Variants in KIF3B observed in about 807,000 individuals in gnomAD.
KIF3B encodes the protein kinesin family member 3B.
Under a neutral mutation model 74.3 loss-of-function variants are expected in KIF3B, and 38 were observed. The ratio of observed to expected loss-of-function variants is 0.51; its 90% CI spans 0.39 to 0.67. The LOEUF is 0.67. Ranked by LOEUF, KIF3B falls within the 30% of genes least tolerant of loss-of-function variation. The pLI is 0.00. For missense variants in KIF3B, 649 were observed against 932.0 expected (o/e 0.70, Z 3.95); for synonymous variants, 326 against 342.5 (o/e 0.95, Z 0.53).
rs2047804257 is a variant in KIF3B, at chr20:32,312,158, C to T, written c.1404+977C>T. Among the ~76,000 whole-genome samples, 3 of 150,328 alleles carry T rather than the reference C, an allele frequency of 2.0e-5. No homozygotes were observed. In the South Asian group the frequency reaches 6.3e-4, roughly 32 times the overall value. On this transcript the variant is annotated intron_variant, in intron 2 of 8. Coordinates refer to ENST00000375712, the MANE Select transcript of KIF3B (RefSeq NM_004798.4). ...GAGACAGGATCTTGCTCTGTCAACC[C>T]TGGAGTGCAGTGGCCCAATCACTGC...
rs2047793856 is a variant in KIF3B at position 32,310,427 on chromosome 20, C to G, written c.650C>G (p.Ala217Gly). The change falls in exon 2 of 9, where the codon GCA (alanine) becomes GGA (glycine). Residue 217 changes from alanine to glycine, a missense_variant. Around this residue, in one of 4 missense-constraint regions of KIF3B, gnomAD observed 363 missense variants for 592.8 expected, o/e 0.61. Coordinates refer to ENST00000375712, the MANE Select transcript of KIF3B (RefSeq NM_004798.4). The surrounding 1 kb of genome is among the most constrained non-coding windows in gnomAD (Gnocchi z 6.5). ...AACGAGCACAGCTCGCGTTCTCATG[C>G]AATTTTCGTTATCACTATTGAGTGC... ...NMNEHSSRSH[A>G]IFVITIECSE... 1.2e-6 allele frequency: 2 copies of G among 1,614,074 alleles called. No homozygotes were observed. Among genetic ancestry groups the G allele is most frequent in the African/African-American group, 2.7e-5 (2 of 74,934 alleles).
intron 5 of KIF3B, among the ~76,000 whole-genome samples, chr20:32,322,692 A>ATATATATT (rs1273367069): frequency 1.4e-5 from 1 of 72,232 alleles, no homozygotes; most frequent in Non-Finnish European, 2.2e-5. Flanking sequence ...ATATATATTT[A>ATATATATT]TATATATTTA....
At chr20:32,331,099 T>G in intron 8 of KIF3B, 124 bp from the exon 9 acceptor site, 1 of 747,480 alleles carries the variant, frequency 1.3e-6, no homozygotes, top group Non-Finnish European at 2.3e-6. Flanking sequence ...TGTAGTGGTT[T>G]TACAGTTGAA....
At chr20:32,300,527 C>T (rs1053770728) in intron 1 of KIF3B, among the ~76,000 whole-genome samples, 4 of 152,192 alleles carry the variant, frequency 2.6e-5, no homozygotes, top group African/African-American at 9.6e-5. Flanking sequence ...GATCTGCCCA[C>T]CTCGGCCTCC....
rs900031635 is a variant in KIF3B at position 32,316,836 on chromosome 20, G to A, written c.1710G>A (p.Glu570=). ...EEHIKERQEL[E]QTQNELTREL... ...ACATCAAGGAGCGCCAAGAGCTAGA[G>A]CAGACTCAGAATGAGCTCACCAGGG... The change falls in exon 5 of 9, where the codon GAG becomes GAA. Residue 570 remains glutamate, a synonymous_variant. Coordinates refer to ENST00000375712, the MANE Select transcript of KIF3B (RefSeq NM_004798.4). 1.9e-6 allele frequency: 3 copies of A among 1,613,962 alleles called. No individual in the cohort carries two copies. Among genetic ancestry groups the A allele is most frequent in the Non-Finnish European group, 2.5e-6 (3 of 1,179,998 alleles).
At position 32,331,291 on chromosome 20, in the gene KIF3B, C is replaced by T; in HGVS notation, c.2216C>T (p.Pro739Leu). The change falls in exon 9 of 9, where the codon CCA becomes CTA. Residue 739 changes from proline (P) to leucine (L), a missense_variant. This residue lies in a region of KIF3B where 186 missense variants were observed against 198.5 expected (regional missense o/e 0.94). Coordinates refer to ENST00000375712, the MANE Select transcript of KIF3B (RefSeq NM_004798.4). ...GGAACCCCTGCATCTCAGCTTTATCCACAGTCTCGGGGGCTGGTTCCAAAG... is the reference window on the plus strand; with the variant it reads ...GGAACCCCTGCATCTCAGCTTTATCTACAGTCTCGGGGGCTGGTTCCAAAG... ...SSGTPASQLYPQSRGLVPK is the reference protein window; with the variant it reads ...SSGTPASQLYLQSRGLVPK The T allele has an allele frequency of 1.9e-6, 3 of 1,613,362 alleles. No homozygotes were observed. The highest frequency in any genetic ancestry group is 2.5e-6 in the Non-Finnish European group (3 of 1,179,764).
intron 5 of KIF3B, among the ~76,000 whole-genome samples, chr20:32,317,896 C>A (rs1450405420): frequency 6.6e-6 from 1 of 152,174 alleles, no homozygotes; most frequent in Admixed American, 6.5e-5. Context: ...CTGTTTCAGC[C>A]TCCCAAAGTG....
intron 1 of KIF3B, among the ~76,000 whole-genome samples, chr20:32,302,567 A>T (rs2047749417): frequency 6.6e-6 from 1 of 152,148 alleles, no homozygotes; most frequent in South Asian, 2.1e-4. Flanking sequence ...TAAAAGTCGG[A>T]CAGCTCCGCC....
At chr20:32,297,747 T>C (rs1162567070) in intron 1 of KIF3B, among the ~76,000 whole-genome samples, 1 of 152,084 alleles carries the variant, frequency 6.6e-6, no homozygotes, top group Non-Finnish European at 1.5e-5. Context: ...TTGCTGCCAC[T>C]TGGGGTTCAG....
At chr20:32,297,573 G>A (rs901281009) in intron 1 of KIF3B, among the ~76,000 whole-genome samples, 1 of 152,048 alleles carries the variant, frequency 6.6e-6, no homozygotes, top group Non-Finnish European at 1.5e-5. Flanking sequence ...TCGGCAAATG[G>A]CATTTAAAAA....
At position 32,308,500 on chromosome 20, in the gene KIF3B, T is replaced by G. The variant is rs2047783437; in HGVS notation, c.-65-1213T>G. On this transcript the variant is annotated intron_variant, in intron 1 of 8. Coordinates refer to ENST00000375712, the MANE Select transcript of KIF3B (RefSeq NM_004798.4). ...GTCTTGGCTCTCTGCAACTTCTGCC[T>G]CCTAGGCTCAAGTGATTCTCGTGCC... 4.6e-5 allele frequency among the ~76,000 whole-genome samples: 7 copies of G among 152,312 alleles called. No individual in the cohort carries two copies. In the South Asian group the frequency reaches 1.5e-3, roughly 32 times the overall value.
At position 32,334,942 on chromosome 20, in the gene KIF3B, A is replaced by G. The variant is rs1217061103; in HGVS notation, c.*3623A>G. ...ATTTATTTGTATCATCTCTTTGTCT[A>G]GGAATGTAAAAGTGATTCTAAACTA... On this transcript the variant is annotated 3_prime_UTR_variant, in exon 9 of 9. Transcript: ENST00000375712. 1 of 152,604 alleles carries G rather than the reference A, an allele frequency of 6.6e-6. No individual in the cohort carries two copies. The highest frequency in any genetic ancestry group is 2.4e-5 in the African/African-American group (1 of 41,434). The allele number at this position is 152,604 out of a possible 1,614,324, so 9.5% of individuals were successfully genotyped here. A position where few individuals can be genotyped will look rare whatever the true frequency, so the allele number is the denominator to read the frequency against.
In KIF3B at chr20:32,331,848, T is replaced by A. The variant is rs2047931959; in HGVS notation, c.*529T>A. The A allele has an allele frequency of 1.3e-5, 2 of 153,560 alleles. No homozygotes were observed. The highest frequency in any genetic ancestry group is 2.4e-5 in the African/African-American group (1 of 41,466). 9.5% of individuals were successfully genotyped at this position (153,560 alleles called of 1,614,324 possible). ...GGAGAAATGAGAAATCGCATTTGGATCCAGGCCCCAGGTGGGCACCATCAG... is the reference window on the plus strand; with the variant it reads ...GGAGAAATGAGAAATCGCATTTGGAACCAGGCCCCAGGTGGGCACCATCAG... On this transcript the variant is annotated 3_prime_UTR_variant, in exon 9 of 9. Transcript: ENST00000375712.
chr20:32,319,474 C>CAT (rs71187103), intron 5 of KIF3B, among the ~76,000 whole-genome samples: 67 of 145,292 alleles, frequency 4.6e-4, no homozygotes, highest in African/African-American at 8.1e-4. Flanking sequence ...GGGGTTGTTT[C>CAT]ATATATATAT....
At chr20:32,322,632 A>G (rs1214366964) in intron 5 of KIF3B, among the ~76,000 whole-genome samples, 1 of 109,480 alleles carries the variant, frequency 9.1e-6, no homozygotes, top group Non-Finnish European at 1.7e-5. Context: ...ATATATTTAT[A>G]TATATTTATA....
intron 1 of KIF3B, among the ~76,000 whole-genome samples, chr20:32,291,678 C>T (rs13036451): frequency 0.21 from 30,596 of 147,786 alleles, 3,491 homozygotes; most frequent in African/African-American, 0.31. Flanking sequence ...TGCAGTGGTG[C>T]GATCTAGGCC....
At chr20:32,283,140 G>C (rs942874155) in intron 1 of KIF3B, among the ~76,000 whole-genome samples, 1 of 152,132 alleles carries the variant, frequency 6.6e-6, no homozygotes, top group Non-Finnish European at 1.5e-5. Flanking sequence ...GGGCTCAAGT[G>C]ATCCTTCTAC....
At position 32,333,432 on chromosome 20, in the gene KIF3B, A is replaced by T. The variant is rs961420061; in HGVS notation, c.*2113A>T. ...TGGACCACCTGAGGTTAGGACTTCA[A>T]GACCAGCCTGGCCAACATGGTGAAA... On this transcript the variant is annotated 3_prime_UTR_variant, in exon 9 of 9. Transcript: ENST00000375712. 6.6e-6 allele frequency: 1 copy of T among 152,076 alleles called. No homozygotes were observed. Among genetic ancestry groups the T allele is most frequent in the African/African-American group, 2.4e-5 (1 of 41,380 alleles). 9.4% of individuals were successfully genotyped at this position (152,076 alleles called of 1,614,324 possible). A position where few individuals can be genotyped will look rare whatever the true frequency, so the allele number is the denominator to read the frequency against.
At chr20:32,296,557 C>A (rs185524537) in intron 1 of KIF3B, among the ~76,000 whole-genome samples, 2 of 151,878 alleles carry the variant, frequency 1.3e-5, no homozygotes, top group Admixed American at 1.3e-4. Flanking sequence ...AAGATTGCAC[C>A]ACAGCACTCC....
Sources: gnomAD v4.1 joint callset for allele counts (sites outside exome capture counted in the v4.1 genomes callset) on GRCh38, gnomAD v4.1.1 for gene constraint, gnomAD v4.1.1 regional missense constraint, Gnocchi (gnomAD v3.1) non-coding constraint, MANE v1.5 for transcripts, NCBI Gene and HGNC (gene_info 2026-07-23, HGNC 2026-07-21) for gene names.